Variants in ZNF69 observed in about 807,000 individuals in gnomAD.
ZNF69 encodes the protein ZNF3.
A neutral mutation model predicts 50.9 loss-of-function variants in ZNF69; 47 were observed. The observed-to-expected ratio is 0.92, with a 90% CI of 0.73 to 1.18. The LOEUF is 1.18. ZNF69 is among the 50% of genes most tolerant of loss of function. ZNF69 has a pLI of 0.00. For missense variants in ZNF69, 717 were observed against 675.1 expected, an observed-to-expected ratio of 1.06 and a Z score of -0.69; for synonymous variants, 216 against 223.1, an observed-to-expected ratio of 0.97 and a Z score of 0.29.
At chr19:11,944,515 G>A in the ZNF69 span, among the ~76,000 whole-genome samples, 8 of 152,206 alleles carry the variant, frequency 5.3e-5, no homozygotes, top group African/African-American at 1.9e-4. Flanking sequence ...ACGCTGGCCT[G>A]TTATCTGAGC....
chr19:11,974,637 C>T, the ZNF69 span, among the ~76,000 whole-genome samples: 1 of 148,646 alleles, frequency 6.7e-6, no homozygotes, highest in South Asian at 2.1e-4. Flanking sequence ...TAATCTGGCT[C>T]TGTCGCCCAG....
At chr19:11,962,833 T>C in the ZNF69 span, among the ~76,000 whole-genome samples, 98 of 152,276 alleles carry the variant, frequency 6.4e-4, no homozygotes, top group African/African-American at 2.2e-3. Flanking sequence ...CTGAAGGTGC[T>C]GCAAGCTTGG....
intron 1 of ZNF69, among the ~76,000 whole-genome samples, chr19:11,903,149 T>G (rs549984546): frequency 6.6e-6 from 1 of 152,154 alleles, no homozygotes; most frequent in African/African-American, 2.4e-5. Context: ...AAAAAACAAC[T>G]GCTGGCCAGG....
intron 3 of ZNF69, 41 bp downstream of exon 3, chr19:11,904,006 A>T: frequency 6.3e-7 from 1 of 1,580,638 alleles, no homozygotes; most frequent in East Asian, 2.2e-5. Context: ...CTCTCTAGAC[A>T]ATCTTAGAAT....
the ZNF69 span, among the ~76,000 whole-genome samples, chr19:11,921,486 T>TTTTG: frequency 5.8e-3 from 874 of 150,728 alleles, 5 homozygotes; most frequent in East Asian, 0.015. Context: ...GGAAAATTTC[T>TTTTG]TTTGTTTGTT....
chr19:11,908,886 GT>G (rs1046596377), downstream of ZNF69, among the ~76,000 whole-genome samples: 2 of 152,038 alleles, frequency 1.3e-5, no homozygotes, highest in Admixed American at 6.6e-5. Flanking sequence ...TCCAGGAGCT[GT>G]TTTTTTGAAA....
the ZNF69 span, among the ~76,000 whole-genome samples, chr19:11,954,679 A>C: frequency 8.7e-4 from 133 of 152,280 alleles, no homozygotes; most frequent in African/African-American, 3.0e-3. Flanking sequence ...AAAAATACAA[A>C]AAATTAGCTG....
chr19:11,948,635 T>G, the ZNF69 span: 8 of 1,610,852 alleles, frequency 5.0e-6, no homozygotes, highest in South Asian at 8.9e-5. Context: ...AAAACCTTTA[T>G]TTTCCATTCA....
chr19:11,920,685 C>T, the ZNF69 span, among the ~76,000 whole-genome samples: 1 of 151,920 alleles, frequency 6.6e-6, no homozygotes, highest in Non-Finnish European at 1.5e-5. Flanking sequence ...CTCAGGAGTT[C>T]AAGACCAGCC....
chr19:11,961,672 A>G, the ZNF69 span: 1 of 152,044 alleles, frequency 6.6e-6, no homozygotes, highest in East Asian at 1.9e-4. Context: ...CTGGAGTACA[A>G]TGGCGCGATC....
At chr19:11,899,568 G>A (rs1264446991) in intron 1 of ZNF69, among the ~76,000 whole-genome samples, 3 of 152,104 alleles carry the variant, frequency 2.0e-5, no homozygotes, top group Non-Finnish European at 2.9e-5. Flanking sequence ...GGAGACTGAG[G>A]TGAGATTGCT....
chr19:11,891,275 A>G (rs1456761940), intron 1 of ZNF69, among the ~76,000 whole-genome samples: 1 of 151,994 alleles, frequency 6.6e-6, no homozygotes, highest in African/African-American at 2.4e-5. Flanking sequence ...AAAATAACAA[A>G]AATTAGCCGG....
chr19:11,965,878 G>A, the ZNF69 span, among the ~76,000 whole-genome samples: 8 of 152,192 alleles, frequency 5.3e-5, no homozygotes, highest in African/African-American at 1.9e-4. Context: ...TCAGTGCCTG[G>A]AAGGTGTAAG....
chr19:11,950,384 C>T, the ZNF69 span: 2 of 948,666 alleles, frequency 2.1e-6, no homozygotes, highest in Admixed American at 2.2e-5. Flanking sequence ...GGGGAGAAAC[C>T]CTATCAATGT....
chr19:11,966,181 T>C, the ZNF69 span, among the ~76,000 whole-genome samples: 22 of 152,204 alleles, frequency 1.4e-4, no homozygotes, highest in African/African-American at 5.3e-4. Context: ...GGAGTCTGTT[T>C]TTCCAGTCAG....
In ZNF69 at chr19:11,905,760, T is replaced by A. The variant is rs962195959; in HGVS notation, c.1363T>A (p.Ser455Thr). The A allele has an allele frequency of 1.9e-6, 3 of 1,610,930 alleles. No individual in the cohort carries two copies. The highest frequency in any genetic ancestry group is 1.7e-5 in the Admixed American group (1 of 59,712). The change falls in exon 4 of 4, where the codon TCT (serine) becomes ACT (threonine). Residue 455 changes from serine to threonine, a missense_variant. Physicochemically the swap from Ser to Thr is moderately conservative, Grantham distance 58. Coordinates refer to ENST00000429654, the MANE Select transcript of ZNF69 (RefSeq NM_001364730.1). ...ECQECGKAFR[S>T]MKNLQSHERT... The stretch of plus-strand genomic sequence containing the variant: ...TCAGGAATGTGGGAAAGCCTTCAGA[T>A]CTATGAAGAACCTTCAAAGTCATGA...
the ZNF69 span, among the ~76,000 whole-genome samples, chr19:11,945,287 G>T: frequency 5.6e-4 from 86 of 152,300 alleles, 2 homozygotes; most frequent in East Asian, 0.014. Context: ...TCCACAGTCT[G>T]CAGAACCCTA....
chr19:11,931,269 G>T, the ZNF69 span, among the ~76,000 whole-genome samples: 1 of 147,960 alleles, frequency 6.8e-6, no homozygotes, highest in Non-Finnish European at 1.5e-5. Context: ...CAGATCTAGT[G>T]TCCAGCAAGG....
downstream of ZNF69, among the ~76,000 whole-genome samples, chr19:11,911,234 A>G (rs1972453100): frequency 6.6e-6 from 1 of 152,220 alleles, no homozygotes; most frequent in Admixed American, 6.5e-5. Context: ...GGGACTGTAA[A>G]CTAGTTCAAC....
Sources: gnomAD v4.1 joint callset for allele counts (sites outside exome capture counted in the v4.1 genomes callset) on GRCh38, gnomAD v4.1.1 for gene constraint, MANE v1.5 for transcripts, NCBI Gene and HGNC (gene_info 2026-07-23, HGNC 2026-07-21) for gene names.